The following ARHGEF3 variants were observed in gnomAD, a reference collection of about 807,000 sequenced individuals.
ARHGEF3 encodes the protein Rho guanine nucleotide exchange factor 3.
Under a neutral mutation model 63.2 loss-of-function variants are expected in ARHGEF3, and 28 were observed. That is an observed-to-expected ratio of 0.44 (90% confidence interval 0.33 to 0.61). The LOEUF (loss-of-function observed/expected upper bound fraction) is 0.61. ARHGEF3 is among the 20% of genes least tolerant of loss of function. The probability of loss-of-function intolerance (pLI) is 0.03; values close to 1 mark genes in which losing one functional copy is unlikely to be tolerated. For synonymous variants in ARHGEF3, 266 were observed against 254.2 expected, an observed-to-expected ratio of 1.05 and a Z score of -0.44; for missense variants, 533 against 659.3, an observed-to-expected ratio of 0.81 and a Z score of 2.10.
At chr3:56,895,144 C>T (rs1358929810) in intron 3 of ARHGEF3, among the ~76,000 whole-genome samples, 1 of 149,514 alleles carries the variant, frequency 6.7e-6, no homozygotes, top group East Asian at 2.1e-4. Context: ...CTTTCAAAGA[C>T]AGCTGCAGGA....
chr3:56,821,541 T>A (rs750348942), intron 4 of ARHGEF3, among the ~76,000 whole-genome samples: 1 of 152,192 alleles, frequency 6.6e-6, no homozygotes, highest in Admixed American at 6.5e-5. Context: ...AGGTTATAAG[T>A]GAAAATGGCA....
At chr3:56,865,282 T>C (rs2040205358) in intron 4 of ARHGEF3, among the ~76,000 whole-genome samples, 2 of 152,184 alleles carry the variant, frequency 1.3e-5, no homozygotes, top group South Asian at 4.1e-4. Flanking sequence ...GAAGAGAACA[T>C]GCTACCACAG....
chr3:56,961,595 C>T (rs1457806719), intron 2 of ARHGEF3, among the ~76,000 whole-genome samples: 1 of 151,750 alleles, frequency 6.6e-6, no homozygotes, highest in Non-Finnish European at 1.5e-5. Flanking sequence ...TCTGTCCATT[C>T]GGGATACTGT....
Position 56,732,536 on chromosome 3 carries a change from G to A in ARHGEF3, c.1042-112C>T, listed in dbSNP as rs1392728865. On this transcript the variant is annotated intron_variant, in intron 8 of 9. Coordinates refer to ENST00000296315, the MANE Select transcript of ARHGEF3 (RefSeq NM_019555.3). ...AGGTACCAGGTTCACACTGGATTAT[G>A]AACTCCTAGGTTCAAATCTACCTCC... 2.7e-5 allele frequency: 34 copies of A among 1,242,492 alleles called. No homozygotes were observed. The East Asian group carries it at 8.0e-4, about 29-fold the overall frequency. 77.0% of individuals were successfully genotyped at this position (1,242,492 alleles called of 1,614,324 possible). A position where few individuals can be genotyped will look rare whatever the true frequency, so the allele number is the denominator to read the frequency against.
At chr3:57,004,565 C>T (rs1045809392) in intron 2 of ARHGEF3, among the ~76,000 whole-genome samples, 9 of 152,320 alleles carry the variant, frequency 5.9e-5, no homozygotes, top group African/African-American at 2.2e-4. Flanking sequence ...TCTACAGATC[C>T]CCTTTCAAGT....
intron 7 of ARHGEF3, among the ~76,000 whole-genome samples, chr3:56,741,558 A>T (rs1189173002): frequency 5.2e-5 from 6 of 115,080 alleles, no homozygotes; most frequent in Non-Finnish European, 8.2e-5. Context: ...CAGGCTGGAG[A>T]GCAGTGGCAA....
At chr3:56,968,329 TATATA>T (rs1305755136) in intron 2 of ARHGEF3, among the ~76,000 whole-genome samples, 1 of 53,924 alleles carries the variant, frequency 1.9e-5, no homozygotes, top group Non-Finnish European at 3.6e-5. Context: ...ATTTTATATA[TATATA>T]ATATATAATA....
At chr3:56,932,907 T>C (rs2042450607) in intron 3 of ARHGEF3, among the ~76,000 whole-genome samples, 1 of 152,210 alleles carries the variant, frequency 6.6e-6, no homozygotes, top group Admixed American at 6.5e-5. Flanking sequence ...AAAATAATCT[T>C]CTTTTATCCT....
intron 2 of ARHGEF3, among the ~76,000 whole-genome samples, chr3:56,759,100 G>T (rs1249518933): frequency 6.6e-6 from 1 of 151,770 alleles, no homozygotes; most frequent in Non-Finnish European, 1.5e-5. Context: ...TCTCCTAGAA[G>T]TAACAACTGT....
At chr3:56,967,738 T>TTATATATACAATTATATATAA (rs1700620562) in intron 2 of ARHGEF3, among the ~76,000 whole-genome samples, 3 of 68,814 alleles carry the variant, frequency 4.4e-5, no homozygotes, top group Non-Finnish European at 7.3e-5. Flanking sequence ...GGTACTATAA[T>TTATATATACAATTATATATAA]TATATATATT....
chr3:56,773,587 C>T (rs1001147218), intron 2 of ARHGEF3, 122 bp downstream of exon 2: 4 of 826,220 alleles, frequency 4.8e-6, no homozygotes, highest in Non-Finnish European at 7.3e-6. Flanking sequence ...TTGCACTCTT[C>T]TATTGAAATA....
At chr3:56,904,347 G>C (rs558666517) in intron 3 of ARHGEF3, among the ~76,000 whole-genome samples, 2 of 152,200 alleles carry the variant, frequency 1.3e-5, no homozygotes, top group South Asian at 4.2e-4. Flanking sequence ...AAAATTATTT[G>C]TAGAGATGGA....
chr3:57,010,277 A>G (rs2107095330), intron 2 of ARHGEF3, among the ~76,000 whole-genome samples: 1 of 151,924 alleles, frequency 6.6e-6, no homozygotes, highest in Non-Finnish European at 1.5e-5. Flanking sequence ...ACATGGTGAA[A>G]CCCCATCTCT....
chr3:56,968,222 TAA>T lies in ARHGEF3; in HGVS notation c.63-9335_63-9334del, dbSNP rs1491223915. 2.9e-3 allele frequency among the ~76,000 whole-genome samples: 56 copies of T among 19,572 alleles called. 5 individuals are homozygous for T. Among genetic ancestry groups the T allele is most frequent in the Admixed American group, 7.5e-3 (6 of 802 alleles). 12.8% of individuals were successfully genotyped at this position (19,572 alleles called of 152,430 possible). On this transcript the variant is annotated intron_variant, in intron 2 of 12. Transcript: ENST00000338458. ...AATATATAAAAATATATATTATATA[TAA>T]TATATATATAAATATATATATTAAT...
intron 2 of ARHGEF3, among the ~76,000 whole-genome samples, chr3:56,994,082 A>AAAAAAAAAAAAAAAAAAAAAAAC (rs1433202567): frequency 1.4e-5 from 2 of 144,242 alleles, no homozygotes; most frequent in Non-Finnish European, 3.0e-5. Flanking sequence ...AAAAAAAAAA[A>AAAAAAAAAAAAAAAAAAAAAAAC]AAAGCACACT....
rs2036293297 is a variant in ARHGEF3, at chr3:56,776,542, C to T, written c.97-2726G>A. Among the ~76,000 whole-genome samples, 4 of 152,166 alleles carry T rather than the reference C, an allele frequency of 2.6e-5. No individual in the cohort carries two copies. In the South Asian group the frequency reaches 8.3e-4, roughly 31 times the overall value. ...TGAGTAAAATATGAATTATGGTGTTCTCCTTGAGGCCTTCTGTGAGAATAG... is the reference window on the plus strand; with the variant it reads ...TGAGTAAAATATGAATTATGGTGTTTTCCTTGAGGCCTTCTGTGAGAATAG... On this transcript the variant is annotated intron_variant, in intron 1 of 9. Coordinates refer to ENST00000296315, the MANE Select transcript of ARHGEF3 (RefSeq NM_019555.3).
chr3:56,905,711 C>T (rs2108320580), intron 3 of ARHGEF3, among the ~76,000 whole-genome samples: 1 of 152,330 alleles, frequency 6.6e-6, no homozygotes, highest in South Asian at 2.1e-4. Flanking sequence ...TGTTCCCCTC[C>T]TCGAACAGCA....
intron 2 of ARHGEF3, among the ~76,000 whole-genome samples, chr3:56,979,520 C>T (rs1701246661): frequency 6.6e-6 from 1 of 152,234 alleles, no homozygotes; most frequent in Admixed American, 6.5e-5. Flanking sequence ...CTGCCACAGG[C>T]AGCCAGAGAC....
At chr3:56,940,945 C>A (rs1036433184) in intron 3 of ARHGEF3, 2 of 152,274 alleles carry the variant, frequency 1.3e-5, no homozygotes, top group Admixed American at 1.3e-4. Context: ...GGCATTCTGA[C>A]CCCAAAGCAT....
Sources: allele counts gnomAD v4.1 joint callset (sites outside exome capture counted in the v4.1 genomes callset), GRCh38; gene constraint gnomAD v4.1.1; transcripts MANE v1.5; gene names NCBI Gene and HGNC (gene_info 2026-07-23, HGNC 2026-07-21).